Variants in PHLDA1 observed in about 807,000 individuals in gnomAD.
PHLDA1 encodes pleckstrin homology like domain family A member 1.
Under a neutral mutation model 33.8 loss-of-function variants are expected in PHLDA1, and 28 were observed. That is an observed-to-expected ratio of 0.83 (90% CI 0.61 to 1.14). The LOEUF (loss-of-function observed/expected upper bound fraction) is 1.14. Among genes scored for constraint, PHLDA1 ranks in the 50% most tolerant of loss-of-function variants. The pLI is 0.00. For missense variants in PHLDA1, 595 were observed against 548.6 expected, an observed-to-expected ratio of 1.08 and a Z score of -0.84; for synonymous variants, 271 against 243.6, an observed-to-expected ratio of 1.11 and a Z score of -1.05.
At chr12:76,027,607 C>G (rs1163382591) in exon 2 of PHLDA1, 1 of 151,676 alleles carries the variant, frequency 6.6e-6, no homozygotes, top group Admixed American at 6.6e-5. Flanking sequence ...ACTAAAAATA[C>G]AAAAATCAGC....
chr12:76,031,442 G>C lies in PHLDA1; in HGVS notation c.300C>G (p.Leu100=). 1 of 1,540,978 alleles carries C rather than the reference G, an allele frequency of 6.5e-7. No homozygotes were observed. The highest frequency in any genetic ancestry group is 1.2e-5 in the South Asian group (1 of 82,832). Residue 100 remains leucine (L), a synonymous_variant, in exon 1 of 2, where the codon CTC becomes CTG. Transcript: ENST00000266671. The surrounding 1 kb of genome is among the most constrained non-coding windows in gnomAD (Gnocchi z 5.4). ...AGCGGCTCCCACGGCCGCCTGCCCG[G>C]AGCGCGCAGAGGAGGCTAACACGCA...
chr12:76,030,935 G>A (rs904704413), exon 1 of PHLDA1: 1 of 1,613,918 alleles, frequency 6.2e-7, no homozygotes, highest in African/African-American at 1.3e-5. Context: ...TCCAGCCCTG[G>A]TCTTGCGGGC....
At chr12:76,028,002 A>G (rs143678239) in exon 2 of PHLDA1, 37 of 151,264 alleles carry the variant, frequency 2.4e-4, no homozygotes, top group African/African-American at 9.0e-4. Flanking sequence ...TACAAGAATT[A>G]AAAAAAAATC....
At position 76,031,655 on chromosome 12, in the gene PHLDA1, AC is replaced by A; in HGVS notation, c.86del (p.Gly29ValfsTer123). 1 of 1,520,224 alleles carries A rather than the reference AC, an allele frequency of 6.6e-7. No homozygotes were observed. The highest frequency in any genetic ancestry group is 8.8e-7 in the Non-Finnish European group (1 of 1,134,688). The allele number at this position is 1,520,224 out of a possible 1,614,324, so 94.2% of individuals were successfully genotyped here. On this transcript the variant is annotated frameshift_variant, in exon 1 of 2. Transcript: ENST00000266671. LOFTEE classifies it high-confidence loss of function. This position sits in a 1 kb window ranked among gnomAD's most constrained non-coding sequence, Gnocchi z 5.4. The stretch of plus-strand genomic sequence containing the variant: ...GCCATCTTCCCCACCCCCGAGTGAC[AC>A]CCAGCGGAAAAGGCGGCTCCTGGCG...
Position 76,031,577 on chromosome 12 carries a change from C to T in PHLDA1, c.165G>A (p.Ser55=). The change falls in exon 1 of 2, where the codon TCG becomes TCA. Residue 55 remains serine, a synonymous_variant. Coordinates refer to ENST00000266671, the Ensembl canonical transcript of PHLDA1. The surrounding 1 kb of genome is among the most constrained non-coding windows in gnomAD (Gnocchi z 5.4). ...CTGCCGGGCCTCTGCCGTCCTCTTG[C>T]GAGCGCTCACTGAAGGGCACTGGCC... is the stretch of plus-strand genomic sequence containing the variant. The T allele has an allele frequency of 6.3e-7, 1 of 1,575,206 alleles. No homozygotes were observed.
exon 2 of PHLDA1, chr12:76,027,168 G>C (rs892019644): frequency 6.6e-6 from 1 of 152,042 alleles, no homozygotes; most frequent in African/African-American, 2.4e-5. Flanking sequence ...GATTTGTCAG[G>C]CTTCAAAATA....
chr12:76,025,801 G>A (rs766412192), exon 2 of PHLDA1: 1 of 152,260 alleles, frequency 6.6e-6, no homozygotes, highest in African/African-American at 2.4e-5. Flanking sequence ...GAGCAGTGGA[G>A]AGTAGGTCTC....
rs1025623091 is a variant in PHLDA1, at chr12:76,030,665, G to C, written c.1077C>G (p.His359Gln). The C allele has an allele frequency of 6.0e-5, 77 of 1,276,556 alleles. No individual in the cohort carries two copies. The East Asian group carries it at 1.8e-3, about 30-fold the overall frequency. 79.1% of individuals were successfully genotyped at this position (1,276,556 alleles called of 1,614,324 possible). A position where few individuals can be genotyped will look rare whatever the true frequency, so the allele number is the denominator to read the frequency against. Reference sequence around the variant, plus strand: ...GGTGTGGGTGCGAGTGAGGATGAGAGTGTGGATGTGGATGTGGATGCGGAT... The same window carrying C: ...GGTGTGGGTGCGAGTGAGGATGAGACTGTGGATGTGGATGTGGATGCGGAT... Residue 359 changes from histidine (H) to glutamine (Q), a missense_variant, in exon 1 of 2, where the codon CAC becomes CAG. His to Gln is a conservative substitution (Grantham distance 24). Transcript: ENST00000266671.
In PHLDA1 at chr12:76,031,751, G is replaced by T; in HGVS notation, c.-10C>A. On this transcript the variant is annotated 5_prime_UTR_variant, in exon 1 of 2. Transcript: ENST00000266671. The surrounding 1 kb of genome is among the most constrained non-coding windows in gnomAD (Gnocchi z 5.4). The stretch of plus-strand genomic sequence containing the variant: ...CCGGCGCACGCCTCATTAACTTGGG[G>T]CCTTTCCAAAGCCCGCTGCGTCCAC... 1.5e-6 allele frequency: 2 copies of T among 1,360,090 alleles called. No individual in the cohort carries two copies. The highest frequency in any genetic ancestry group is 1.9e-5 in the South Asian group (1 of 52,850). 84.3% of individuals were successfully genotyped at this position (1,360,090 alleles called of 1,614,324 possible). A position where few individuals can be genotyped will look rare whatever the true frequency, so the allele number is the denominator to read the frequency against.
At chr12:76,030,626 CGGGTGCGGGTGA>C in exon 1 of PHLDA1, 4 of 1,533,846 alleles carry the variant, frequency 2.6e-6, no homozygotes, top group Non-Finnish European at 3.6e-6. Context: ...GGTGCGGATG[CGGGTGCGGGTGA>C]GGGTGTGGGT....
chr12:76,030,780 G>A lies in PHLDA1; in HGVS notation c.962C>T (p.Pro321Leu), dbSNP rs765712516. The change falls in exon 1 of 2, where the codon CCC becomes CTC. Residue 321 changes from proline (P) to leucine (L), a missense_variant. By Grantham distance (98) the Pro-to-Leu change is moderately conservative. This residue lies in a region of PHLDA1 where 328 missense variants were observed against 295.7 expected (regional missense o/e 1.11). Transcript: ENST00000266671. ...GGGTTGCGGCTGAGGCTGAGGCTGG[G>A]GTTGGGGCTGGAGCTGCGGCTGCGG... 3 of 1,441,660 alleles carry A rather than the reference G, an allele frequency of 2.1e-6. No homozygotes were observed. The African/African-American group carries it at 4.2e-5, about 20-fold the overall frequency. The allele number at this position is 1,441,660 out of a possible 1,614,324, so 89.3% of individuals were successfully genotyped here.
At chr12:76,030,580 G>A (rs747924492) in exon 1 of PHLDA1, 2 of 1,613,724 alleles carry the variant, frequency 1.2e-6, no homozygotes, top group African/African-American at 2.7e-5. Context: ...TGCCCGTGCG[G>A]CTGCGAGTGC....
Position 76,031,455 on chromosome 12 carries a change from A to C in PHLDA1, c.287T>G (p.Leu96Arg), listed in dbSNP as rs748245685. Residue 96 changes from leucine to arginine, a missense_variant, in exon 1 of 2, where the codon CTC (leucine) becomes CGC (arginine). Physicochemically the swap from Leu to Arg is moderately radical, Grantham distance 102. Coordinates refer to ENST00000266671, the Ensembl canonical transcript of PHLDA1. This position sits in a 1 kb window ranked among gnomAD's most constrained non-coding sequence, Gnocchi z 5.4. ...GCCGCCTGCCCGGAGCGCGCAGAGG[A>C]GGCTAACACGCAGGAGGCAGAGCGG... The C allele has an allele frequency of 2.0e-6, 3 of 1,537,578 alleles. No homozygotes were observed. The highest frequency in any genetic ancestry group is 2.4e-5 in the East Asian group (1 of 40,834).
chr12:76,031,299 C>G lies in PHLDA1; in HGVS notation c.443G>C (p.Cys148Ser), dbSNP rs767424991. 3 of 1,613,638 alleles carry G rather than the reference C, an allele frequency of 1.9e-6. No homozygotes were observed. In the Admixed American group the frequency reaches 5.0e-5, roughly 27 times the overall value. Residue 148 changes from cysteine to serine, a missense_variant, in exon 1 of 2, where the codon TGC becomes TCC. Cys to Ser is a moderately radical substitution (Grantham distance 112). Coordinates refer to ENST00000266671, the Ensembl canonical transcript of PHLDA1. This position sits in a 1 kb window ranked among gnomAD's most constrained non-coding sequence, Gnocchi z 5.4. The stretch of plus-strand genomic sequence containing the variant: ...CAGCACGCCCTCCTTCAGCGCTTTG[C>G]AGCCGCTACTCTCCAGCATCCTCCC...
At chr12:76,026,076 A>G (rs1004794292) in exon 2 of PHLDA1, 2 of 152,188 alleles carry the variant, frequency 1.3e-5, no homozygotes, top group Non-Finnish European at 2.9e-5. Flanking sequence ...TGATTCCATA[A>G]CCAATACATC....
In PHLDA1 at chr12:76,031,756, T is replaced by C; in HGVS notation, c.-15A>G. 7.4e-7 allele frequency: 1 copy of C among 1,349,494 alleles called. No individual in the cohort carries two copies. Among genetic ancestry groups the C allele is most frequent in the South Asian group, 2.0e-5 (1 of 50,888 alleles). 83.6% of individuals were successfully genotyped at this position (1,349,494 alleles called of 1,614,324 possible). A position where few individuals can be genotyped will look rare whatever the true frequency, so the allele number is the denominator to read the frequency against. ...GCACGCCTCATTAACTTGGGGCCTT[T>C]CCAAAGCCCGCTGCGTCCACGCCCT... is the stretch of plus-strand genomic sequence containing the variant. On this transcript the variant is annotated 5_prime_UTR_variant, in exon 1 of 2. Transcript: ENST00000266671. This position sits in a 1 kb window ranked among gnomAD's most constrained non-coding sequence, Gnocchi z 5.4.
At chr12:76,027,156 C>G (rs1870791246) in exon 2 of PHLDA1, 1 of 152,108 alleles carries the variant, frequency 6.6e-6, no homozygotes, top group Non-Finnish European at 1.5e-5. Context: ...TTCCATGAAG[C>G]TGATTTGTCA....
At chr12:76,028,042 G>A (rs1019164876) in exon 2 of PHLDA1, 3 of 151,468 alleles carry the variant, frequency 2.0e-5, no homozygotes, top group African/African-American at 4.9e-5. Flanking sequence ...TGGTTCATTT[G>A]GAGCTATTAT....
At position 76,031,585 on chromosome 12, in the gene PHLDA1, C is replaced by A; in HGVS notation, c.157G>T (p.Glu53Ter). ...CCTCTGCCGTCCTCTTGCGAGCGCT[C>A]ACTGAAGGGCACTGGCCGGGCCCCC... The change falls in exon 1 of 2, where the codon GAG (glutamate) becomes TAG (stop). Residue 53 changes from glutamate to a stop codon, truncating the protein, a stop_gained. Transcript: ENST00000266671. LOFTEE classifies it high-confidence loss of function. This position sits in a 1 kb window ranked among gnomAD's most constrained non-coding sequence, Gnocchi z 5.4. 6.3e-7 allele frequency: 1 copy of A among 1,575,580 alleles called. No individual in the cohort carries two copies. The highest frequency in any genetic ancestry group is 8.6e-7 in the Non-Finnish European group (1 of 1,163,324).
Sources: allele counts gnomAD v4.1 joint callset, GRCh38; gene constraint gnomAD v4.1.1; regional missense constraint gnomAD v4.1.1; non-coding constraint Gnocchi (gnomAD v3.1); transcripts MANE v1.5; gene names NCBI Gene and HGNC (gene_info 2026-07-23, HGNC 2026-07-21).